Variants in FBXO24 observed in about 807,000 individuals in gnomAD.
The protein encoded by FBXO24 is F-box protein 24.
FBXO24 carries 30 observed loss-of-function variants against 63.5 expected under a neutral mutation model. That is an observed-to-expected ratio of 0.47 (90% confidence interval 0.35 to 0.64). The LOEUF (loss-of-function observed/expected upper bound fraction) is 0.64, where lower values mean the gene tolerates loss of function less well. Among genes scored for constraint, FBXO24 ranks in the 30% least tolerant of loss-of-function variants. FBXO24 has a pLI of 0.00. For missense variants in FBXO24, 624 were observed against 763.4 expected (o/e 0.82, Z 2.15); for synonymous variants, 300 against 305.0 (o/e 0.98, Z 0.17).
In FBXO24 at chr7:100,600,252, A is replaced by G; in HGVS notation, c.1377+51A>G. ...CACCCAGGGAGGATGAGAGCCATGAACCAGGAAGCCCACAGGCTGTAGCTG... is the reference window on the plus strand; with the variant it reads ...CACCCAGGGAGGATGAGAGCCATGAGCCAGGAAGCCCACAGGCTGTAGCTG... On this transcript the variant is annotated intron_variant, in intron 9 of 9. Coordinates refer to ENST00000241071, the MANE Select transcript of FBXO24 (RefSeq NM_033506.3). The surrounding 1 kb of genome is among the most constrained non-coding windows in gnomAD (Gnocchi z 6.3). 1 of 1,467,124 alleles carries G rather than the reference A, an allele frequency of 6.8e-7. No individual in the cohort carries two copies. The highest frequency in any genetic ancestry group is 9.1e-7 in the Non-Finnish European group (1 of 1,104,942). The allele number at this position is 1,467,124 out of a possible 1,614,324, so 90.9% of individuals were successfully genotyped here. A position where few individuals can be genotyped will look rare whatever the true frequency, so the allele number is the denominator to read the frequency against.
chr7:100,594,399 C>T lies in FBXO24; in HGVS notation c.810C>T (p.Tyr270=), dbSNP rs1464817131. The T allele has an allele frequency of 7.4e-6, 12 of 1,612,560 alleles. No homozygotes were observed. Among genetic ancestry groups the T allele is most frequent in the Non-Finnish European group, 9.3e-6 (11 of 1,179,418 alleles). ...TACCCCCAGAGGAAGGAAAGATCTACTCTTTGGTAGTGAATGAGACCCAGC... is the reference window on the plus strand; with the variant it reads ...TACCCCCAGAGGAAGGAAAGATCTATTCTTTGGTAGTGAATGAGACCCAGC... ...LLLLTEEGKI[Y]SLVVNETQLD... Residue 270 remains tyrosine, a synonymous_variant, in exon 6 of 10, where the codon TAC becomes TAT. Coordinates refer to ENST00000241071, the MANE Select transcript of FBXO24 (RefSeq NM_033506.3). This position sits in a 1 kb window ranked among gnomAD's most constrained non-coding sequence, Gnocchi z 4.2.
chr7:100,599,906 G>C, intron 8 of FBXO24, 125 bp from the exon 9 acceptor site: 1 of 1,110,330 alleles, frequency 9.0e-7, no homozygotes, highest in Non-Finnish European at 1.3e-6. Context: ...GCGTGGGACA[G>C]TGCTGGCTCC....
intron 8 of FBXO24, among the ~76,000 whole-genome samples, chr7:100,597,885 TTTTTTTTG>T (rs1391829065): frequency 1.4e-5 from 2 of 141,166 alleles, no homozygotes; most frequent in Non-Finnish European, 3.2e-5. Flanking sequence ...GTTTTTTTTG[TTTTTTTTG>T]TTTTTTTTTT....
intron 2 of FBXO24, 29 bp downstream of exon 2, chr7:100,590,104 T>C (rs995356246): frequency 1.2e-6 from 2 of 1,609,260 alleles, no homozygotes; most frequent in African/African-American, 2.7e-5. Context: ...GGATTGAGAA[T>C]AATAGGATTG....
intron 1 of FBXO24, 127 bp from the exon 2 acceptor site, chr7:100,589,850 G>C: frequency 2.6e-6 from 4 of 1,543,744 alleles, no homozygotes; most frequent in Non-Finnish European, 3.5e-6. Flanking sequence ...GTTAGGGATG[G>C]GTCTGGAGAG....
chr7:100,598,268 G>A (rs1315082588), intron 8 of FBXO24, among the ~76,000 whole-genome samples: 1 of 152,188 alleles, frequency 6.6e-6, no homozygotes, highest in Non-Finnish European at 1.5e-5. Context: ...TATCTAGCAA[G>A]ATGTTAATAG....
At chr7:100,591,987 G>GCAGTA in intron 4 of FBXO24, 85 bp downstream of exon 4, 1 of 1,365,318 alleles carries the variant, frequency 7.3e-7, no homozygotes, top group Non-Finnish European at 1.0e-6. Context: ...GAGGCCGGGT[G>GCAGTA]CAGTGGCTTA....
intron 5 of FBXO24, among the ~76,000 whole-genome samples, chr7:100,593,712 G>T (rs1477995447): frequency 7.3e-6 from 1 of 136,796 alleles, no homozygotes; most frequent in Admixed American, 8.0e-5. Context: ...CAGGAGAATC[G>T]CTTGAACCCA....
At chr7:100,588,957 G>T (rs1047004544) in intron 1 of FBXO24, among the ~76,000 whole-genome samples, 4 of 151,898 alleles carry the variant, frequency 2.6e-5, no homozygotes, top group African/African-American at 9.7e-5. Flanking sequence ...TGTGTAGCTG[G>T]GACTACAGGG....
chr7:100,590,221 C>T lies in FBXO24; in HGVS notation c.186C>T (p.Leu62=), dbSNP rs1240648482. The T allele has an allele frequency of 7.4e-6, 12 of 1,614,064 alleles. No individual in the cohort carries two copies. Among genetic ancestry groups the T allele is most frequent in the South Asian group, 1.1e-5 (1 of 91,074 alleles). Residue 62 remains leucine (L), a synonymous_variant, in exon 3 of 10, where the codon CTC becomes CTT. Coordinates refer to ENST00000241071, the MANE Select transcript of FBXO24 (RefSeq NM_033506.3). ...TCCCAGTCAGAGACCTTGTTGCCCT[C>T]GGCCAGACCTGCCGCTACTTCCACG... ...SFLPVRDLVA[L]GQTCRYFHEV... is the part of the protein sequence containing the mutation.
In FBXO24 at chr7:100,586,680, A is replaced by C. The variant is rs759573190; in HGVS notation, c.39+16A>C. ...GAGGAGGCGGGTGAGCTAGAACTTT[A>C]AGACTGAGGTTAAGAATGAACGCGG... On this transcript the variant is annotated intron_variant, in intron 1 of 9. Coordinates refer to ENST00000241071, the MANE Select transcript of FBXO24 (RefSeq NM_033506.3). The C allele has an allele frequency of 2.0e-5, 32 of 1,613,926 alleles. No homozygotes were observed. Among genetic ancestry groups the C allele is most frequent in the African/African-American group, 2.7e-5 (2 of 74,928 alleles).
chr7:100,600,483 C>T lies in FBXO24; in HGVS notation c.1378-51C>T. 1 of 1,520,890 alleles carries T rather than the reference C, an allele frequency of 6.6e-7. No homozygotes were observed. The highest frequency in any genetic ancestry group is 8.8e-7 in the Non-Finnish European group (1 of 1,135,628). 94.2% of individuals were successfully genotyped at this position (1,520,890 alleles called of 1,614,324 possible). On this transcript the variant is annotated intron_variant, in intron 9 of 9. Coordinates refer to ENST00000241071, the MANE Select transcript of FBXO24 (RefSeq NM_033506.3). This position sits in a 1 kb window ranked among gnomAD's most constrained non-coding sequence, Gnocchi z 6.3. ...GATTAGCCCGGGCACCCTGGGAAAC[C>T]CTGCAAGGAAAGCACCACTCAGCCA...
chr7:100,595,688 C>T lies in FBXO24; in HGVS notation c.1188C>T (p.Asp396=). 1 of 1,608,182 alleles carries T rather than the reference C, an allele frequency of 6.2e-7. No individual in the cohort carries two copies. Among genetic ancestry groups the T allele is most frequent in the Non-Finnish European group, 8.5e-7 (1 of 1,176,644 alleles). Residue 396 remains aspartate (D), a synonymous_variant, in exon 8 of 10, where the codon GAC becomes GAT. Transcript: ENST00000241071. Reference sequence around the variant, plus strand: ...AGCTAGGAACAGGGGACAAAATGGACCGAGGGGAACCCACACAGGTGAGAC... The same window carrying T: ...AGCTAGGAACAGGGGACAAAATGGATCGAGGGGAACCCACACAGGTGAGAC... ...YGQLGTGDKM[D]RGEPTQVCYL... is the part of the protein sequence containing the mutation.
At chr7:100,590,940 A>G (rs1801984145) in intron 3 of FBXO24, among the ~76,000 whole-genome samples, 1 of 152,072 alleles carries the variant, frequency 6.6e-6, no homozygotes, top group African/African-American at 2.4e-5. Flanking sequence ...AAACAGATCC[A>G]AAGCTAGGGG....
chr7:100,599,861 A>G, intron 8 of FBXO24, 170 bp from the exon 9 acceptor site: 2 of 670,556 alleles, frequency 3.0e-6, no homozygotes. Flanking sequence ...CAGTTAGAGT[A>G]TGGGGGCTGC....
At chr7:100,592,582 T>C (rs2131266750) in intron 4 of FBXO24, among the ~76,000 whole-genome samples, 1 of 152,192 alleles carries the variant, frequency 6.6e-6, no homozygotes. Flanking sequence ...TATCACCACC[T>C]CTCTTTTGAG....
chr7:100,599,291 A>C (rs1340529683), intron 8 of FBXO24, among the ~76,000 whole-genome samples: 2 of 152,028 alleles, frequency 1.3e-5, no homozygotes, highest in African/African-American at 4.8e-5. Context: ...GCTAGAGTGG[A>C]GGCTGGGCTC....
intron 4 of FBXO24, chr7:100,592,308 T>G: frequency 4.1e-6 from 1 of 244,380 alleles, no homozygotes; most frequent in Non-Finnish European, 8.1e-6. Context: ...GGCAAAGAGG[T>G]TTAATTGACT....
At chr7:100,595,552 C>G (rs1331805534) in intron 7 of FBXO24, 23 bp from the exon 8 acceptor site, 8 of 1,561,902 alleles carry the variant, frequency 5.1e-6, no homozygotes, top group East Asian at 2.3e-5. Flanking sequence ...GAATCCCTAT[C>G]CCCTTTCTAT....
Sources: gnomAD v4.1 joint callset for allele counts (sites outside exome capture counted in the v4.1 genomes callset) on GRCh38, gnomAD v4.1.1 for gene constraint, Gnocchi (gnomAD v3.1) non-coding constraint, MANE v1.5 for transcripts, NCBI Gene and HGNC (gene_info 2026-07-23, HGNC 2026-07-21) for gene names.